SH2D1B: variants seen among roughly 807,000 people sequenced by gnomAD.
The protein encoded by SH2D1B is SH2 domain containing 1B, also known as SH2 domain-containing protein 1B.
In SH2D1B, 11 loss-of-function variants were observed where a neutral mutation model predicts 16.3. The observed-to-expected ratio is 0.67, with a 90% CI of 0.42 to 1.11. The LOEUF is 1.11. Ranked by LOEUF, SH2D1B falls within the 50% of genes most tolerant of loss-of-function variation. SH2D1B has a pLI of 0.00. For synonymous variants in SH2D1B, 55 were observed against 56.1 expected, an observed-to-expected ratio of 0.98 and a Z score of 0.09; for missense variants, 123 against 153.1, an observed-to-expected ratio of 0.80 and a Z score of 1.04.
rs1425114943 is a variant in SH2D1B, at chr1:162,401,108, C to T, written c.198+1631G>A. On this transcript the variant is annotated intron_variant, in intron 2 of 3. Coordinates refer to ENST00000367929, the MANE Select transcript of SH2D1B (RefSeq NM_053282.5). ...CTGATTAACCTCTGTATTAGAGGTA[C>T]AGGCTGACATCAAAGTCATCTGCAA... Among the ~76,000 whole-genome samples the T allele has an allele frequency of 2.0e-5, 3 of 152,322 alleles. No individual in the cohort carries two copies. The South Asian group carries it at 6.2e-4, about 32-fold the overall frequency.
chr1:162,403,358 GTAT>G (rs1290017067), intron 1 of SH2D1B, among the ~76,000 whole-genome samples: 2 of 150,096 alleles, frequency 1.3e-5, no homozygotes, highest in African/African-American at 4.9e-5. Flanking sequence ...GTGTGGTGGC[GTAT>G]GCCTGTAATC....
At chr1:162,403,831 A>G (rs1648589131) in intron 1 of SH2D1B, among the ~76,000 whole-genome samples, 1 of 151,926 alleles carries the variant, frequency 6.6e-6, no homozygotes. Context: ...AACTGAAATA[A>G]GCCAGGCACA....
At chr1:162,409,246 C>T (rs763178441) in intron 1 of SH2D1B, among the ~76,000 whole-genome samples, 121 of 152,246 alleles carry the variant, frequency 7.9e-4, no homozygotes, top group Non-Finnish European at 1.5e-3. Flanking sequence ...AGCTCTTCAC[C>T]GTCTCCCGTC....
Position 162,404,749 on chromosome 1 carries a change from A to G in SH2D1B, c.135-1947T>C, listed in dbSNP as rs118056301. On this transcript the variant is annotated intron_variant, in intron 1 of 3. Coordinates refer to ENST00000367929, the MANE Select transcript of SH2D1B (RefSeq NM_053282.5). ...ACGCAGATTCAACTCACAATGAGAT[A>G]CCACTACACACTTATTAATACAGTT... 5.9e-5 allele frequency among the ~76,000 whole-genome samples: 9 copies of G among 152,362 alleles called. No homozygotes were observed. In the East Asian group the frequency reaches 1.7e-3, roughly 29 times the overall value.
chr1:162,408,012 C>T (rs538684540), intron 1 of SH2D1B, among the ~76,000 whole-genome samples: 10 of 152,286 alleles, frequency 6.6e-5, no homozygotes, highest in Non-Finnish European at 1.3e-4. Flanking sequence ...CTCTACAGTG[C>T]CCTAATGATA....
intron 1 of SH2D1B, among the ~76,000 whole-genome samples, chr1:162,405,827 T>C (rs1648642383): frequency 6.6e-6 from 1 of 152,266 alleles, no homozygotes; most frequent in Non-Finnish European, 1.5e-5. Flanking sequence ...TCTATCTATT[T>C]AGCTTTCAAA....
intron 3 of SH2D1B, among the ~76,000 whole-genome samples, chr1:162,397,684 C>CA (rs1272404002): frequency 3.3e-5 from 5 of 152,194 alleles, no homozygotes; most frequent in African/African-American, 1.2e-4. Flanking sequence ...GCTGTGTCAG[C>CA]ACTGACCCGG....
In SH2D1B at chr1:162,411,954, C is replaced by T. The variant is rs746291461; in HGVS notation, c.63G>A (p.Lys21=). Residue 21 remains lysine (K), a synonymous_variant, in exon 1 of 4, where the codon AAG becomes AAA. Transcript: ENST00000367929. ...TKQDCETLLL[K]EGVDGNFLLR... is the part of the protein sequence containing the mutation. ...AAAGAAAGTTGCCATCCACCCCTTC[C>T]TTGAGCAGCAAGGTCTCACAGTCTT... is the stretch of plus-strand genomic sequence containing the variant. 6.2e-7 allele frequency: 1 copy of T among 1,614,178 alleles called. No individual in the cohort carries two copies.
At chr1:162,404,293 G>A (rs1648600168) in intron 1 of SH2D1B, among the ~76,000 whole-genome samples, 1 of 152,052 alleles carries the variant, frequency 6.6e-6, no homozygotes, top group African/African-American at 2.4e-5. Flanking sequence ...CCGAGATGGT[G>A]CCACTGCACT....
intron 1 of SH2D1B, among the ~76,000 whole-genome samples, chr1:162,403,488 GAAAA>G (rs1172751501): frequency 3.6e-3 from 74 of 20,650 alleles, no homozygotes; most frequent in Non-Finnish European, 5.2e-3. Context: ...GACTCTGTCT[GAAAA>G]AAAAAAAAAA....
chr1:162,405,171 CT>C (rs1382980510), intron 1 of SH2D1B, among the ~76,000 whole-genome samples: 2 of 152,182 alleles, frequency 1.3e-5, no homozygotes, highest in East Asian at 3.8e-4. Flanking sequence ...ATAAAAATGA[CT>C]ACATACTCTA....
intron 1 of SH2D1B, among the ~76,000 whole-genome samples, chr1:162,403,511 A>AAAAAAAAAT (rs1648579325): frequency 9.5e-5 from 4 of 42,036 alleles, no homozygotes; most frequent in African/African-American, 4.2e-4. Context: ...AAAAAAAAAA[A>AAAAAAAAAT]ATATATATAT....
At chr1:162,403,507 AAAAAATATAT>A (rs1344465357) in intron 1 of SH2D1B, among the ~76,000 whole-genome samples, 43 of 20,986 alleles carry the variant, frequency 2.0e-3, no homozygotes, top group East Asian at 8.1e-3. Context: ...AAAAAAAAAA[AAAAAATATAT>A]ATATATATAT....
rs913631882 is a variant in SH2D1B at position 162,397,278 on chromosome 1, C to T, written c.*2G>A. On this transcript the variant is annotated 3_prime_UTR_variant, in exon 4 of 4. Coordinates refer to ENST00000367929, the MANE Select transcript of SH2D1B (RefSeq NM_053282.5). ...AACTTGCTTTGTCCGGCAGCCTTAT[C>T]TTCAAGGCAAGACATCCACATAATC... is the stretch of plus-strand genomic sequence containing the variant. 1.9e-6 allele frequency: 3 copies of T among 1,613,824 alleles called. No homozygotes were observed. In the East Asian group the frequency reaches 6.7e-5, roughly 36 times the overall value.
intron 1 of SH2D1B, among the ~76,000 whole-genome samples, chr1:162,404,113 A>C (rs987915680): frequency 5.3e-5 from 8 of 152,206 alleles, no homozygotes; most frequent in African/African-American, 1.9e-4. Flanking sequence ...AGGTGGGTGG[A>C]TCACCTAAGG....
At chr1:162,406,104 T>C (rs1454207063) in intron 1 of SH2D1B, among the ~76,000 whole-genome samples, 1 of 152,240 alleles carries the variant, frequency 6.6e-6, no homozygotes, top group Non-Finnish European at 1.5e-5. Flanking sequence ...TTTAAGACTT[T>C]TGACCTCTGG....
At position 162,402,800 on chromosome 1, in the gene SH2D1B, A is replaced by C. The variant is rs774387908; in HGVS notation, c.137T>G (p.Phe46Cys). The change falls in exon 2 of 4, where the codon TTT becomes TGT. Residue 46 changes from phenylalanine (F) to cysteine (C), a missense_variant and splice_region_variant. Physicochemically the swap from Phe to Cys is radical, Grantham distance 205. Transcript: ENST00000367929. The part of the protein sequence containing the change: ...IPGVLCLCVS[F>C]KNIVYTYRIF... ...TCGGTATGTGTAGACAATATTTTTA[A>C]ACCTGTGGAAAAAATGACTGTGTGA... 6.2e-6 allele frequency: 10 copies of C among 1,613,016 alleles called. 1 individual carries two copies. In the South Asian group the frequency reaches 1.1e-4, roughly 18 times the overall value.
At chr1:162,400,810 A>G (rs1281239420) in intron 2 of SH2D1B, among the ~76,000 whole-genome samples, 1 of 151,862 alleles carries the variant, frequency 6.6e-6, no homozygotes, top group Non-Finnish European at 1.5e-5. Flanking sequence ...TTAGCTGGGC[A>G]TGGTAGCAGA....
At chr1:162,410,472 G>A (rs761223700) in intron 1 of SH2D1B, among the ~76,000 whole-genome samples, 1 of 152,008 alleles carries the variant, frequency 6.6e-6, no homozygotes, top group Non-Finnish European at 1.5e-5. Context: ...GAGACATTTG[G>A]ATTTTAATTT....
Sources: gnomAD v4.1 joint callset for allele counts (sites outside exome capture counted in the v4.1 genomes callset) on GRCh38, gnomAD v4.1.1 for gene constraint, MANE v1.5 for transcripts, NCBI Gene and HGNC (gene_info 2026-07-23, HGNC 2026-07-21) for gene names.